Variants in MORC3 observed in about 807,000 individuals in gnomAD.
MORC3 encodes MORC family CW-type zinc finger protein 3.
In MORC3, 31 loss-of-function variants were observed where a neutral mutation model predicts 109.1. That is an observed-to-expected ratio of 0.28 (90% confidence interval 0.21 to 0.38). The LOEUF is 0.38. Among genes scored for constraint, MORC3 ranks in the 10% least tolerant of loss-of-function variants. The pLI, the probability that MORC3 is intolerant of heterozygous loss-of-function variation, is 1.00. For missense variants in MORC3, 867 were observed against 1,135.8 expected (o/e 0.76, Z 3.40); for synonymous variants, 395 against 380.7 (o/e 1.04, Z -0.44).
rs144473276 is a variant in MORC3 at position 36,335,310 on chromosome 21, A to AT, written c.113-1541dup. Among the ~76,000 whole-genome samples the AT allele has an allele frequency of 2.6e-3, 309 of 116,680 alleles. 1 individual carries two copies. Among genetic ancestry groups the AT allele is most frequent in the Non-Finnish European group, 3.9e-3 (228 of 58,336 alleles). 76.5% of individuals were successfully genotyped at this position (116,680 alleles called of 152,430 possible). A position where few individuals can be genotyped will look rare whatever the true frequency, so the allele number is the denominator to read the frequency against. On this transcript the variant is annotated intron_variant, in intron 2 of 16. Transcript: ENST00000400485. Reference sequence around the variant, plus strand: ...ATGGAAGATAAAAGAAAAAGAAGGAATTTTTTTTTTTTTTTTTTTTTTTGA... The same window carrying AT: ...ATGGAAGATAAAAGAAAAAGAAGGAATTTTTTTTTTTTTTTTTTTTTTTTGA...
intron 10 of MORC3, among the ~76,000 whole-genome samples, chr21:36,358,126 A>G (rs896775928): frequency 6.6e-6 from 1 of 151,782 alleles, no homozygotes; most frequent in Non-Finnish European, 1.5e-5. Context: ...CACATCTGTA[A>G]TCCCAGCACT....
At chr21:36,346,943 T>C (rs2085514420) in intron 8 of MORC3, among the ~76,000 whole-genome samples, 1 of 149,490 alleles carries the variant, frequency 6.7e-6, no homozygotes, top group African/African-American at 2.5e-5. Flanking sequence ...AGTTTGAGGC[T>C]ACACTGAGCT....
chr21:36,370,558 C>G (rs2085844300), intron 15 of MORC3, among the ~76,000 whole-genome samples: 1 of 141,500 alleles, frequency 7.1e-6, no homozygotes, highest in East Asian at 2.0e-4. Context: ...TTTCAAGATT[C>G]CTGAGAGAAA....
intron 2 of MORC3, among the ~76,000 whole-genome samples, chr21:36,335,653 A>T (rs1159850176): frequency 6.6e-6 from 1 of 152,148 alleles, no homozygotes; most frequent in Non-Finnish European, 1.5e-5. Flanking sequence ...TCCTACACCT[A>T]TTCTGAGAGA....
At chr21:36,364,033 GT>G (rs1170356182) in intron 13 of MORC3, 59 bp from the exon 14 acceptor site, 1 of 1,527,912 alleles carries the variant, frequency 6.5e-7, no homozygotes, top group Non-Finnish European at 8.9e-7. Flanking sequence ...TATATCTTGT[GT>G]TTTGGGCATG....
intron 4 of MORC3, 141 bp downstream of exon 4, chr21:36,338,087 C>T (rs571261455): frequency 3.4e-5 from 28 of 816,382 alleles, no homozygotes; most frequent in Non-Finnish European, 3.6e-5. Context: ...TGCATTTACC[C>T]TACACCTGAG....
chr21:36,363,414 A>G (rs2085742661), intron 13 of MORC3, among the ~76,000 whole-genome samples: 1 of 152,140 alleles, frequency 6.6e-6, no homozygotes, highest in Non-Finnish European at 1.5e-5. Context: ...ACTCTGTCTC[A>G]AAAAAACAAA....
intron 1 of MORC3, among the ~76,000 whole-genome samples, chr21:36,323,379 A>G (rs7354757): frequency 0.61 from 93,043 of 151,974 alleles, 29,309 homozygotes; most frequent in East Asian, 1. Flanking sequence ...TAATAATCTT[A>G]CACACCTCAA....
chr21:36,341,354 GC>G (rs2085443441), intron 5 of MORC3, 44 bp from the exon 6 acceptor site: 1 of 1,543,296 alleles, frequency 6.5e-7, no homozygotes, highest in Admixed American at 1.9e-5. Context: ...GGCTTATCTT[GC>G]TGTGAAGTTA....
At chr21:36,331,164 A>G (rs367925708) in intron 1 of MORC3, among the ~76,000 whole-genome samples, 2 of 152,208 alleles carry the variant, frequency 1.3e-5, no homozygotes, top group Admixed American at 6.5e-5. Context: ...GTCTAATCAT[A>G]TTTTTAGGGC....
chr21:36,339,871 G>T (rs999282398), intron 5 of MORC3, among the ~76,000 whole-genome samples: 2 of 152,136 alleles, frequency 1.3e-5, no homozygotes, highest in Admixed American at 6.6e-5. Context: ...TCTCCTGGAG[G>T]ATTTTTTCAA....
chr21:36,350,339 C>T (rs758227507), intron 9 of MORC3, among the ~76,000 whole-genome samples: 2 of 151,932 alleles, frequency 1.3e-5, no homozygotes, highest in African/African-American at 2.4e-5. Context: ...GTGGCTTACA[C>T]CTGTAATCCC....
intron 2 of MORC3, among the ~76,000 whole-genome samples, chr21:36,335,969 A>C (rs2085371229): frequency 6.6e-6 from 1 of 151,988 alleles, no homozygotes; most frequent in South Asian, 2.1e-4. Context: ...CTTGTTGCCC[A>C]GGCTCGAGTG....
chr21:36,321,703 C>T (rs538744972), intron 1 of MORC3, among the ~76,000 whole-genome samples: 79 of 152,250 alleles, frequency 5.2e-4, no homozygotes, highest in Middle Eastern at 3.4e-3. Flanking sequence ...TTTTCCCCCT[C>T]TCTTTCCCCT....
chr21:36,361,373 G>A (rs1202054935), intron 12 of MORC3, among the ~76,000 whole-genome samples: 5 of 150,980 alleles, frequency 3.3e-5, no homozygotes, highest in South Asian at 4.2e-4. Context: ...GTGACACCCC[G>A]TCTCTACTAA....
rs991101449 is a variant in MORC3 at position 36,341,108 on chromosome 21, C to A, written c.609-291C>A. 3.3e-5 allele frequency among the ~76,000 whole-genome samples: 5 copies of A among 152,146 alleles called. 2 individuals are homozygous for A. In the South Asian group the frequency reaches 1.0e-3, roughly 32 times the overall value. On this transcript the variant is annotated intron_variant, in intron 5 of 16. Coordinates refer to ENST00000400485, the MANE Select transcript of MORC3 (RefSeq NM_015358.3). The stretch of plus-strand genomic sequence containing the variant: ...GTCTTCATTTTTCTGAAATAAATAT[C>A]TAGAAGTGTAATTGCTGTATCATAT...
In MORC3 at chr21:36,320,379, G is replaced by A. The variant is rs957129027; in HGVS notation, c.39+76G>A. ...GCAAGCGAAGGGGGGCCGGCAGTGG[G>A]CGGTGGCGGCTTGTGGGGCCGACGC... On this transcript the variant is annotated intron_variant, in intron 1 of 16. Transcript: ENST00000400485. 9.5e-6 allele frequency: 12 copies of A among 1,258,746 alleles called. No individual in the cohort carries two copies. In the African/African-American group the frequency reaches 1.6e-4, roughly 16 times the overall value. The allele number at this position is 1,258,746 out of a possible 1,614,324, so 78.0% of individuals were successfully genotyped here.
chr21:36,341,373 G>A, intron 5 of MORC3, 26 bp from the exon 6 acceptor site: 1 of 1,589,648 alleles, frequency 6.3e-7, no homozygotes, highest in Non-Finnish European at 8.5e-7. Flanking sequence ...TTAAATTTTG[G>A]TTCTTTCTAA....
intron 13 of MORC3, among the ~76,000 whole-genome samples, chr21:36,363,223 A>G (rs2085740490): frequency 6.6e-6 from 1 of 152,220 alleles, no homozygotes. Flanking sequence ...GTTCGAGACC[A>G]GCCTGGGCAA....
Sources: allele counts gnomAD v4.1 joint callset (sites outside exome capture counted in the v4.1 genomes callset), GRCh38; gene constraint gnomAD v4.1.1; transcripts MANE v1.5; gene names NCBI Gene and HGNC (gene_info 2026-07-23, HGNC 2026-07-21).